The following MPDZ variants were observed in gnomAD, a reference collection of about 807,000 sequenced individuals.
The protein encoded by MPDZ is multiple PDZ domain protein.
In MPDZ, 234 loss-of-function variants were observed where a neutral mutation model predicts 239.1. The ratio of observed to expected loss-of-function variants is 0.98; its 90% CI spans 0.88 to 1.09. MPDZ has a LOEUF of 1.09. Ranked by LOEUF, MPDZ falls within the 50% of genes least tolerant of loss-of-function variation. The pLI, the probability that MPDZ is intolerant of heterozygous loss-of-function variation, is 0.00. For missense variants in MPDZ, 3,175 were observed against 2,510.0 expected (o/e 1.26, Z -5.66); for synonymous variants, 1,048 against 881.3 (o/e 1.19, Z -3.35).
chr9:13,215,763 T>TTG lies in MPDZ; in HGVS notation c.1290+1010_1290+1011insCA, dbSNP rs1554703480. Among the ~76,000 whole-genome samples, 95 of 137,672 alleles carry TTG rather than the reference T, an allele frequency of 6.9e-4. 5 individuals are homozygous for TTG. Among genetic ancestry groups the TTG allele is most frequent in the South Asian group, 9.8e-4 (4 of 4,070 alleles). 90.3% of individuals were successfully genotyped at this position (137,672 alleles called of 152,430 possible). A position where few individuals can be genotyped will look rare whatever the true frequency, so the allele number is the denominator to read the frequency against. ...GTTTCTCTATTGCAGGTTTTTTTTT[T>TTG]TTTTTTTTTTTGTCTTTTTTTAGAG... On this transcript the variant is annotated intron_variant, in intron 10 of 46. Coordinates refer to ENST00000319217, the MANE Select transcript of MPDZ (RefSeq NM_001378778.1).
intron 10 of MPDZ, among the ~76,000 whole-genome samples, chr9:13,206,492 G>A (rs1175159106): frequency 2.0e-5 from 3 of 151,648 alleles, no homozygotes; most frequent in South Asian, 2.1e-4. Context: ...AGGCTCAAGC[G>A]ATCCTCTCAT....
chr9:13,196,228 A>G lies in MPDZ; in HGVS notation c.1549T>C (p.Tyr517His), dbSNP rs759822743. ...TCTATCTCAGCTGACAGTAATGGAT[A>G]CCCTGAAACAGTCAAGGCAATTAAG... ...TNILPTEEEG[Y>H]PLLSAEIEEI... The change falls in exon 13 of 47, where the codon TAT becomes CAT. Residue 517 changes from tyrosine to histidine, a missense_variant and splice_region_variant. Transcript: ENST00000319217. The G allele has an allele frequency of 6.3e-7, 1 of 1,579,156 alleles. No individual in the cohort carries two copies. The highest frequency in any genetic ancestry group is 1.2e-5 in the South Asian group (1 of 86,832).
intron 8 of MPDZ, 47 bp from the exon 9 acceptor site, chr9:13,217,341 AC>A (rs1345939518): frequency 1.4e-5 from 16 of 1,138,292 alleles, no homozygotes; most frequent in South Asian, 4.5e-5. Context: ...CGTAAAAAAA[AC>A]AAAAAACAAA....
rs71331534 is a variant in MPDZ at position 13,248,976 on chromosome 9, CAAAAAAAAAAAAA to C, written c.17-1188_17-1176del. The stretch of plus-strand genomic sequence containing the variant: ...CGACAGAGTGAGTGAGACTCCATCT[CAAAAAAAAAAAAA>C]AAAAAAAAAAAAAAAAAAAATTGGA... On this transcript the variant is annotated intron_variant, in intron 2 of 46. Transcript: ENST00000319217. Among the ~76,000 whole-genome samples, 21 of 35,820 alleles carry C rather than the reference CAAAAAAAAAAAAA, an allele frequency of 5.9e-4. 2 individuals carry two copies. The highest frequency in any genetic ancestry group is 0.045 in the Middle Eastern group (1 of 22). The allele number at this position is 35,820 out of a possible 152,430, so 23.5% of individuals were successfully genotyped here. A position where few individuals can be genotyped will look rare whatever the true frequency, so the allele number is the denominator to read the frequency against.
At chr9:13,114,274 T>C (rs1267159534) in intron 40 of MPDZ, among the ~76,000 whole-genome samples, 1 of 152,220 alleles carries the variant, frequency 6.6e-6, no homozygotes, top group Non-Finnish European at 1.5e-5. Context: ...TTTTAGTGGA[T>C]AGTCATAATC....
At chr9:13,187,604 G>T (rs1405516189) in intron 17 of MPDZ, among the ~76,000 whole-genome samples, 3 of 151,922 alleles carry the variant, frequency 2.0e-5, no homozygotes, top group Non-Finnish European at 4.4e-5. Context: ...TATTTTAATA[G>T]GCTACTGAAA....
intron 31 of MPDZ, chr9:13,134,255 C>T (rs1476074931): frequency 6.5e-6 from 1 of 153,782 alleles, no homozygotes; most frequent in Non-Finnish European, 1.4e-5. Context: ...TGGTGAAACT[C>T]AGTGACAGAG....
intron 11 of MPDZ, 55 bp from the exon 12 acceptor site, chr9:13,205,162 A>T: frequency 2.1e-6 from 2 of 950,106 alleles, no homozygotes; most frequent in Non-Finnish European, 3.0e-6. Flanking sequence ...AAGTACTTGA[A>T]TTTTTCTAAA....
At chr9:13,275,277 G>T (rs1360901005) in intron 1 of MPDZ, among the ~76,000 whole-genome samples, 2 of 152,184 alleles carry the variant, frequency 1.3e-5, no homozygotes, top group African/African-American at 2.4e-5. Flanking sequence ...GAGGTCACTA[G>T]GGGTGGGCTC....
At chr9:13,237,235 G>C (rs1964284713) in intron 3 of MPDZ, among the ~76,000 whole-genome samples, 1 of 151,574 alleles carries the variant, frequency 6.6e-6, no homozygotes, top group Non-Finnish European at 1.5e-5. Context: ...TTGAGTCCAG[G>C]AGTTCGAGAC....
chr9:13,272,289 G>A (rs1973158664), intron 1 of MPDZ, among the ~76,000 whole-genome samples: 1 of 152,068 alleles, frequency 6.6e-6, no homozygotes, highest in South Asian at 2.1e-4. Flanking sequence ...TCTTAATGAA[G>A]CTAGCTAGGG....
intron 1 of MPDZ, 31 bp downstream of exon 1, chr9:13,279,369 G>A (rs1003188563): frequency 6.9e-6 from 1 of 144,328 alleles, no homozygotes; most frequent in African/African-American, 2.5e-5. Context: ...GCGCGCCTCG[G>A]CCTCTGGGCC....
rs1366038048 is a variant in MPDZ, at chr9:13,140,056, G to C, written c.3934C>G (p.His1312Asp). 1 of 1,612,980 alleles carries C rather than the reference G, an allele frequency of 6.2e-7. No individual in the cohort carries two copies. The change falls in exon 28 of 47, where the codon CAC (histidine) becomes GAC (aspartate). Residue 1312 changes from histidine to aspartate, a missense_variant. Coordinates refer to ENST00000319217, the MANE Select transcript of MPDZ (RefSeq NM_001378778.1). ...ATTTTGCTTGCAGATGACTGTGTGT[G>C]ATCACTACCCATTTCGGCAAAGGCT... The part of the protein sequence containing the change: ...PSAFAEMGSD[H>D]TQSSASKISQ...
At chr9:13,269,548 C>T (rs2139189778) in intron 1 of MPDZ, among the ~76,000 whole-genome samples, 1 of 152,280 alleles carries the variant, frequency 6.6e-6, no homozygotes, top group African/African-American at 2.4e-5. Context: ...TGCCATGATC[C>T]TTTCTTATTC....
At chr9:13,157,273 C>T (rs1949939224) in intron 24 of MPDZ, among the ~76,000 whole-genome samples, 1 of 152,126 alleles carries the variant, frequency 6.6e-6, no homozygotes, top group Admixed American at 6.6e-5. Context: ...ATGTTTTACT[C>T]TTAAGGTGAA....
intron 22 of MPDZ, among the ~76,000 whole-genome samples, chr9:13,164,263 A>G (rs1950797461): frequency 1.3e-5 from 2 of 152,186 alleles, no homozygotes; most frequent in Non-Finnish European, 2.9e-5. Context: ...GGCCCTATTT[A>G]ATTTATTCAT....
chr9:13,208,138 G>A (rs975920372), intron 10 of MPDZ, among the ~76,000 whole-genome samples: 6 of 152,142 alleles, frequency 3.9e-5, no homozygotes, highest in African/African-American at 1.4e-4. Flanking sequence ...GTAAATATGC[G>A]AAAATTATAA....
chr9:13,164,139 G>A (rs1425888126), intron 22 of MPDZ, among the ~76,000 whole-genome samples: 1 of 152,154 alleles, frequency 6.6e-6, no homozygotes, highest in East Asian at 1.9e-4. Flanking sequence ...CAGAATACAT[G>A]GGGCCTCTGG....
Position 13,162,691 on chromosome 9 carries a change from C to T in MPDZ, c.3359G>A (p.Arg1120Lys), listed in dbSNP as rs1950617507. The change falls in exon 23 of 47, where the codon AGA (arginine) becomes AAA (lysine). Residue 1120 changes from arginine (R) to lysine (K), a missense_variant and splice_region_variant. Transcript: ENST00000319217. ...ALDIFSSYTG[R>K]DIPELPEREE... Reference sequence around the variant, plus strand: ...GTATTAGATTTAATGTTTCACTTACCTGCCAGTGTATGAAGAAAAAATATC... The same window carrying T: ...GTATTAGATTTAATGTTTCACTTACTTGCCAGTGTATGAAGAAAAAATATC... 4 of 1,594,420 alleles carry T rather than the reference C, an allele frequency of 2.5e-6. No individual in the cohort carries two copies. The Admixed American group carries it at 6.7e-5, about 27-fold the overall frequency.
Sources: gnomAD v4.1 joint callset for allele counts (sites outside exome capture counted in the v4.1 genomes callset) on GRCh38, gnomAD v4.1.1 for gene constraint, MANE v1.5 for transcripts, NCBI Gene and HGNC (gene_info 2026-07-23, HGNC 2026-07-21) for gene names.